The following PCDH9 variants were observed in gnomAD, a reference collection of about 807,000 sequenced individuals.
PCDH9 encodes the protein protocadherin-9.
A neutral mutation model predicts 70.6 loss-of-function variants in PCDH9; 24 were observed. The ratio of observed to expected loss-of-function variants is 0.34; its 90% CI spans 0.25 to 0.48. PCDH9 has a LOEUF of 0.48. Ranked by LOEUF, PCDH9 falls within the 20% of genes least tolerant of loss-of-function variation. The pLI is 0.99. For synonymous variants in PCDH9, 562 were observed against 558.5 expected, an observed-to-expected ratio of 1.01 and a Z score of -0.09; for missense variants, 1,281 against 1,503.6, an observed-to-expected ratio of 0.85 and a Z score of 2.45.
intron 3 of PCDH9, among the ~76,000 whole-genome samples, chr13:66,688,813 C>T (rs1309937373): frequency 6.6e-6 from 1 of 152,070 alleles, no homozygotes; most frequent in Non-Finnish European, 1.5e-5. Flanking sequence ...CCTCATTTCC[C>T]TTCCGAACAC....
intron 2 of PCDH9, among the ~76,000 whole-genome samples, chr13:67,138,561 A>G (rs2087292810): frequency 6.6e-6 from 1 of 152,160 alleles, no homozygotes; most frequent in Non-Finnish European, 1.5e-5. Flanking sequence ...ACTTTACTTC[A>G]TCCTCTCCAT....
intron 4 of PCDH9, among the ~76,000 whole-genome samples, chr13:66,323,808 C>T (rs577059127): frequency 4.6e-5 from 7 of 151,816 alleles, no homozygotes; most frequent in Non-Finnish European, 8.8e-5. Flanking sequence ...TCAAGATGCT[C>T]ACATTTTAAG....
chr13:66,929,790 A>T (rs2082777569), intron 2 of PCDH9, among the ~76,000 whole-genome samples: 1 of 152,208 alleles, frequency 6.6e-6, no homozygotes, highest in Non-Finnish European at 1.5e-5. Context: ...AAATGTTGGT[A>T]GATACTGAGG....
chr13:66,685,440 G>A (rs955415746), intron 3 of PCDH9, among the ~76,000 whole-genome samples: 2 of 152,216 alleles, frequency 1.3e-5, no homozygotes, highest in Non-Finnish European at 2.9e-5. Context: ...ATGCCAATAT[G>A]TCCAGGCAGA....
intron 2 of PCDH9, among the ~76,000 whole-genome samples, chr13:67,131,171 C>A (rs939102986): frequency 6.6e-6 from 1 of 152,002 alleles, no homozygotes; most frequent in African/African-American, 2.4e-5. Flanking sequence ...TATATATTTT[C>A]TAAGTAAATA....
chr13:66,931,920 T>G (rs1016861063), intron 2 of PCDH9, among the ~76,000 whole-genome samples: 4 of 152,038 alleles, frequency 2.6e-5, no homozygotes, highest in Non-Finnish European at 4.4e-5. Context: ...TGACTGAAAA[T>G]GAGTAAGGTA....
chr13:67,093,874 T>C (rs1298109930), intron 2 of PCDH9, among the ~76,000 whole-genome samples: 1 of 152,152 alleles, frequency 6.6e-6, no homozygotes, highest in Non-Finnish European at 1.5e-5. Context: ...TTTTTCTTGG[T>C]AAATTTACTT....
intron 2 of PCDH9, among the ~76,000 whole-genome samples, chr13:66,969,158 G>A (rs569910166): frequency 5.3e-5 from 8 of 151,956 alleles, no homozygotes; most frequent in South Asian, 4.2e-4. Context: ...CGGTACTCTC[G>A]CTACTGTGAA....
intron 4 of PCDH9, among the ~76,000 whole-genome samples, chr13:66,585,778 C>A (rs1272319562): frequency 6.6e-6 from 1 of 152,022 alleles, no homozygotes; most frequent in Non-Finnish European, 1.5e-5. Flanking sequence ...TTTTAAAGGA[C>A]TAGCAATTAC....
intron 2 of PCDH9, among the ~76,000 whole-genome samples, chr13:67,041,419 T>C (rs2085110894): frequency 6.6e-6 from 1 of 152,222 alleles, no homozygotes; most frequent in Admixed American, 6.5e-5. Flanking sequence ...GCAGTATTAC[T>C]TACTGGAAAG....
intron 4 of PCDH9, among the ~76,000 whole-genome samples, chr13:66,604,224 A>G (rs1175530337): frequency 6.6e-6 from 1 of 152,018 alleles, no homozygotes; most frequent in Non-Finnish European, 1.5e-5. Flanking sequence ...CTTCTTCTGC[A>G]TGCTTCAAAG....
At chr13:66,662,008 C>T (rs2078015415) in intron 3 of PCDH9, among the ~76,000 whole-genome samples, 1 of 151,530 alleles carries the variant, frequency 6.6e-6, no homozygotes, top group African/African-American at 2.4e-5. Context: ...TTGTTTAAAG[C>T]TGTGGCATGA....
Position 67,226,961 on chromosome 13 carries a change from T to C in PCDH9, c.1480A>G (p.Thr494Ala), listed in dbSNP as rs763543069. 9.3e-6 allele frequency: 15 copies of C among 1,614,116 alleles called. No homozygotes were observed. Among genetic ancestry groups the C allele is most frequent in the Non-Finnish European group, 1.3e-5 (15 of 1,180,046 alleles). The part of the protein sequence containing the change: ...RGLYLTTISA[T>A]DEDSGKNADI... ...GCATTTTTCCCACTGTCTTCATCTG[T>C]GGCACTAATAGTTGTTAAGTATAAC... The change falls in exon 2 of 5, where the codon ACA (threonine) becomes GCA (alanine). Residue 494 changes from threonine (T) to alanine (A), a missense_variant. By Grantham distance (58) the Thr-to-Ala change is moderately conservative. Coordinates refer to ENST00000377865, the MANE Select transcript of PCDH9 (RefSeq NM_203487.3). The surrounding 1 kb of genome is among the most constrained non-coding windows in gnomAD (Gnocchi z 5.0).
rs1272031860 is a variant in PCDH9, at chr13:66,733,797, T to C, written c.3139-102386A>G. On this transcript the variant is annotated intron_variant, in intron 3 of 4. Transcript: ENST00000377865. ...GAAAAATGTCACCAAAATAACAAGA[T>C]TTTGTATTCATATTCTTACTTTTTG... 3.9e-5 allele frequency among the ~76,000 whole-genome samples: 6 copies of C among 152,094 alleles called. No homozygotes were observed. In the East Asian group the frequency reaches 7.7e-4, roughly 20 times the overall value.
intron 3 of PCDH9, among the ~76,000 whole-genome samples, chr13:66,709,139 G>A (rs1161385134): frequency 2.0e-5 from 3 of 152,064 alleles, no homozygotes; most frequent in East Asian, 1.9e-4. Context: ...CTTCCTAGAA[G>A]GAGGTTTTTC....
chr13:67,078,583 G>C (rs982568825), intron 2 of PCDH9, among the ~76,000 whole-genome samples: 2 of 152,062 alleles, frequency 1.3e-5, no homozygotes, highest in Admixed American at 1.3e-4. Context: ...GCCATAAAAT[G>C]GTAAGCTCAA....
At chr13:67,117,321 A>G (rs552398917) in intron 2 of PCDH9, among the ~76,000 whole-genome samples, 1 of 152,288 alleles carries the variant, frequency 6.6e-6, no homozygotes, top group East Asian at 1.9e-4. Flanking sequence ...CTACTGCCAA[A>G]GAAAAGCACT....
Position 67,227,562 on chromosome 13 carries a change from G to A in PCDH9, c.879C>T (p.Ala293=). The change falls in exon 2 of 5, where the codon GCC becomes GCT. Residue 293 remains alanine (A), a synonymous_variant. Coordinates refer to ENST00000377865, the MANE Select transcript of PCDH9 (RefSeq NM_203487.3). This position sits in a 1 kb window ranked among gnomAD's most constrained non-coding sequence, Gnocchi z 4.6. The part of the protein sequence containing the change: ...SNAEIRYIFG[A]QVAPATKRLF... ...GTCTTTTGGTTGCAGGGGCGACCTG[G>A]GCACCAAAAATGTACCGGATTTCAG... The A allele has an allele frequency of 6.2e-7, 1 of 1,613,822 alleles. No individual in the cohort carries two copies. The highest frequency in any genetic ancestry group is 8.5e-7 in the Non-Finnish European group (1 of 1,179,820).
chr13:66,688,641 A>G (rs1419529667), intron 3 of PCDH9, among the ~76,000 whole-genome samples: 1 of 152,144 alleles, frequency 6.6e-6, no homozygotes, highest in Admixed American at 6.6e-5. Context: ...TACTTCACCA[A>G]TAGTGCAACT....
Sources: allele counts gnomAD v4.1 joint callset (sites outside exome capture counted in the v4.1 genomes callset), GRCh38; gene constraint gnomAD v4.1.1; non-coding constraint Gnocchi (gnomAD v3.1); transcripts MANE v1.5; gene names NCBI Gene and HGNC (gene_info 2026-07-23, HGNC 2026-07-21).